Variants in GNA14 observed in about 807,000 individuals in gnomAD.
GNA14 encodes the protein G protein subunit alpha 14.
In GNA14, 50 loss-of-function variants were observed where a neutral mutation model predicts 42.0. The ratio of observed to expected loss-of-function variants is 1.19; its 90% confidence interval spans 0.95 to 1.51. The LOEUF (loss-of-function observed/expected upper bound fraction) is 1.51. Ranked by LOEUF, GNA14 falls within the 40% of genes most tolerant of loss-of-function variation. The pLI is 0.00. For missense variants in GNA14, 473 were observed against 446.2 expected, an observed-to-expected ratio of 1.06 and a Z score of -0.54; for synonymous variants, 173 against 163.1, an observed-to-expected ratio of 1.06 and a Z score of -0.46.
chr9:77,551,937 C>A (rs992440009), intron 1 of GNA14, among the ~76,000 whole-genome samples: 3 of 151,444 alleles, frequency 2.0e-5, no homozygotes, highest in Non-Finnish European at 4.4e-5. Flanking sequence ...GTCAGGAGTT[C>A]GAGACCAGCC....
chr9:77,479,867 A>T (rs1836510116), intron 2 of GNA14, among the ~76,000 whole-genome samples: 1 of 151,742 alleles, frequency 6.6e-6, no homozygotes, highest in Admixed American at 6.6e-5. Context: ...TTATTGGTGT[A>T]TAAGAATGCT....
intron 2 of GNA14, among the ~76,000 whole-genome samples, chr9:77,519,550 A>G (rs905266832): frequency 6.6e-6 from 1 of 152,248 alleles, no homozygotes; most frequent in Non-Finnish European, 1.5e-5. Context: ...AAGCTTTTAA[A>G]CAAAGTTAAA....
chr9:77,508,511 T>G (rs1398087306), intron 2 of GNA14, among the ~76,000 whole-genome samples: 1 of 152,212 alleles, frequency 6.6e-6, no homozygotes, highest in African/African-American at 2.4e-5. Context: ...GTATATGTCT[T>G]GCTGGAAATC....
At chr9:77,463,504 AT>A (rs1836155285) in intron 2 of GNA14, among the ~76,000 whole-genome samples, 2 of 152,336 alleles carry the variant, frequency 1.3e-5, no homozygotes, top group African/African-American at 4.8e-5. Flanking sequence ...GGCCAAGGGG[AT>A]TAAATCTAAG....
intron 1 of GNA14, among the ~76,000 whole-genome samples, chr9:77,607,838 C>A (rs1274239227): frequency 6.6e-6 from 1 of 152,136 alleles, no homozygotes; most frequent in Non-Finnish European, 1.5e-5. Flanking sequence ...ACTCTAGTGT[C>A]TTTTCTCATA....
In GNA14 at chr9:77,525,263, T is replaced by C. The variant is rs543257369; in HGVS notation, c.309+3806A>G. The stretch of plus-strand genomic sequence containing the variant: ...GACTCCCTGGCCCTTTACAGAAAAG[T>C]TTGCAGACTCCAGCCCTAGACCCAC... On this transcript the variant is annotated intron_variant, in intron 2 of 6. Coordinates refer to ENST00000341700, the MANE Select transcript of GNA14 (RefSeq NM_004297.4). 2.0e-5 allele frequency among the ~76,000 whole-genome samples: 3 copies of C among 152,254 alleles called. No individual in the cohort carries two copies. The East Asian group carries it at 5.8e-4, about 29-fold the overall frequency.
At chr9:77,613,459 A>G (rs148593503) in intron 1 of GNA14, among the ~76,000 whole-genome samples, 2 of 152,316 alleles carry the variant, frequency 1.3e-5, no homozygotes, top group African/African-American at 4.8e-5. Context: ...TAAATTCTGG[A>G]GACTATACGG....
chr9:77,566,145 CTTTTTTT>C (rs956489720), intron 1 of GNA14, among the ~76,000 whole-genome samples: 5 of 102,494 alleles, frequency 4.9e-5, no homozygotes, highest in South Asian at 3.5e-4. Context: ...GGGAGTGCTT[CTTTTTTT>C]TTTTTTTTTT....
intron 2 of GNA14, among the ~76,000 whole-genome samples, chr9:77,525,677 T>C (rs1837423043): frequency 6.6e-6 from 1 of 151,736 alleles, no homozygotes; most frequent in Non-Finnish European, 1.5e-5. Flanking sequence ...TAGCTGGGAC[T>C]ACAGGTACCC....
chr9:77,473,358 A>G (rs1836364623), intron 2 of GNA14, among the ~76,000 whole-genome samples: 1 of 152,050 alleles, frequency 6.6e-6, no homozygotes, highest in Non-Finnish European at 1.5e-5. Context: ...TTGGGAGGCT[A>G]AAGTGGGAGG....
rs559909189 is a variant in GNA14 at position 77,565,197 on chromosome 9, C to T, written c.125-35944G>A. Reference sequence around the variant, plus strand: ...AAAGTATTTCTTTTAAAATGCCATTCCTGTAAATCTCTGCTGTCCAGTATA... The same window carrying T: ...AAAGTATTTCTTTTAAAATGCCATTTCTGTAAATCTCTGCTGTCCAGTATA... On this transcript the variant is annotated intron_variant, in intron 1 of 6. Transcript: ENST00000341700. Among the ~76,000 whole-genome samples, 91 of 152,268 alleles carry T rather than the reference C, an allele frequency of 6.0e-4. 2 individuals carry two copies. The highest frequency in any genetic ancestry group is 1.0e-3 in the South Asian group (5 of 4,818).
intron 1 of GNA14, among the ~76,000 whole-genome samples, chr9:77,566,683 C>A (rs1822973708): frequency 6.6e-6 from 1 of 152,090 alleles, no homozygotes; most frequent in Non-Finnish European, 1.5e-5. Context: ...GTACAACCAC[C>A]AACAGGAATG....
chr9:77,502,329 G>C (rs566363357), intron 2 of GNA14, among the ~76,000 whole-genome samples: 2 of 152,126 alleles, frequency 1.3e-5, no homozygotes, highest in Non-Finnish European at 2.9e-5. Context: ...CTGATACTTG[G>C]TATAGTCACT....
At chr9:77,491,236 T>C (rs527733492) in intron 2 of GNA14, among the ~76,000 whole-genome samples, 248 of 152,356 alleles carry the variant, frequency 1.6e-3, no homozygotes, top group African/African-American at 4.1e-3. Flanking sequence ...AATTTTAAAA[T>C]GCTAACATGC....
In GNA14 at chr9:77,648,271, G is replaced by C. The variant is rs1350122757; in HGVS notation, c.-478C>G. 3.7e-5 allele frequency: 7 copies of C among 188,644 alleles called. No individual in the cohort carries two copies. Among genetic ancestry groups the C allele is most frequent in the Non-Finnish European group, 7.6e-5 (7 of 92,688 alleles). The allele number at this position is 188,644 out of a possible 1,614,324, so 11.7% of individuals were successfully genotyped here. A position where few individuals can be genotyped will look rare whatever the true frequency, so the allele number is the denominator to read the frequency against. On this transcript the variant is annotated 5_prime_UTR_variant, in exon 1 of 7. Coordinates refer to ENST00000341700, the MANE Select transcript of GNA14 (RefSeq NM_004297.4). Reference sequence around the variant, plus strand: ...GAGGCAAAGGACCTGGCTGGCCTTTGCCTGGAAAGTTCTGAAAACCTCAGC... The same window carrying C: ...GAGGCAAAGGACCTGGCTGGCCTTTCCCTGGAAAGTTCTGAAAACCTCAGC...
chr9:77,437,191 A>G (rs1224100474), intron 2 of GNA14, among the ~76,000 whole-genome samples: 2 of 152,190 alleles, frequency 1.3e-5, no homozygotes, highest in African/African-American at 4.8e-5. Flanking sequence ...CACAAACAAA[A>G]TGTAGGAATG....
intron 2 of GNA14, among the ~76,000 whole-genome samples, chr9:77,449,635 G>A (rs899157670): frequency 6.6e-6 from 1 of 152,040 alleles, no homozygotes; most frequent in Non-Finnish European, 1.5e-5. Context: ...AGAAACCAGT[G>A]GCCTCCCCAA....
At chr9:77,568,347 C>G (rs62573422) in intron 1 of GNA14, among the ~76,000 whole-genome samples, 19,982 of 151,812 alleles carry the variant, frequency 0.13, 1,761 homozygotes, top group African/African-American at 0.26. Flanking sequence ...ACAAAATTAG[C>G]CAGGGGTGGT....
In GNA14 at chr9:77,647,907, CG is replaced by C. The variant is rs1824386975; in HGVS notation, c.-115del. On this transcript the variant is annotated 5_prime_UTR_variant, in exon 1 of 7. Transcript: ENST00000341700. ...GGCACAGGGGTGTGGAAAGAAAAGACGGGGGCCGACTTGAGCTTTGGAGTAA... is the reference window on the plus strand; with the variant it reads ...GGCACAGGGGTGTGGAAAGAAAAGACGGGGCCGACTTGAGCTTTGGAGTAA... 7.9e-7 allele frequency: 1 copy of C among 1,264,352 alleles called. No individual in the cohort carries two copies. Among genetic ancestry groups the C allele is most frequent in the Non-Finnish European group, 1.1e-6 (1 of 924,020 alleles). 78.3% of individuals were successfully genotyped at this position (1,264,352 alleles called of 1,614,324 possible). A position where few individuals can be genotyped will look rare whatever the true frequency, so the allele number is the denominator to read the frequency against.
Sources: allele counts gnomAD v4.1 joint callset (sites outside exome capture counted in the v4.1 genomes callset), GRCh38; gene constraint gnomAD v4.1.1; transcripts MANE v1.5; gene names NCBI Gene and HGNC (gene_info 2026-07-23, HGNC 2026-07-21).